Variants in TNRC18 observed in about 807,000 individuals in gnomAD.
The protein encoded by TNRC18 is trinucleotide repeat containing 18, also known as trinucleotide repeat-containing gene 18 protein.
TNRC18 carries 69 observed loss-of-function variants against 226.7 expected under a neutral mutation model. The ratio of observed to expected loss-of-function variants is 0.30; its 90% CI spans 0.25 to 0.37. The LOEUF (loss-of-function observed/expected upper bound fraction) is 0.37, where lower values mean the gene tolerates loss of function less well. TNRC18 is among the 10% of genes least tolerant of loss of function. The pLI is 1.00. For missense variants in TNRC18, 4,754 were observed against 4,256.6 expected (o/e 1.12, Z -3.25); for synonymous variants, 2,449 against 1,927.6 (o/e 1.27, Z -7.09).
Position 5,377,678 on chromosome 7 carries a change from G to C in TNRC18, c.2256-102C>G, listed in dbSNP as rs1779091796. The C allele has an allele frequency of 7.7e-7, 1 of 1,302,812 alleles. No individual in the cohort carries two copies. Among genetic ancestry groups the C allele is most frequent in the Non-Finnish European group, 1.1e-6 (1 of 942,766 alleles). 80.7% of individuals were successfully genotyped at this position (1,302,812 alleles called of 1,614,324 possible). ...GGAACTGTTTGCCACCAGGCCATGA[G>C]TCAGGACAACCACTGCTCGGAACTG... On this transcript the variant is annotated intron_variant, in intron 6 of 29. Coordinates refer to ENST00000430969, the MANE Select transcript of TNRC18 (RefSeq NM_001080495.3). This position sits in a 1 kb window ranked among gnomAD's most constrained non-coding sequence, Gnocchi z 5.8.
intron 24 of TNRC18, among the ~76,000 whole-genome samples, chr7:5,316,539 A>G (rs1313596354): frequency 1.3e-5 from 2 of 152,010 alleles, no homozygotes; most frequent in Non-Finnish European, 2.9e-5. Flanking sequence ...TCAGCCTCCC[A>G]AAGTGCTGGG....
At chr7:5,321,423 C>T (rs1052902140) in intron 21 of TNRC18, among the ~76,000 whole-genome samples, 1 of 152,092 alleles carries the variant, frequency 6.6e-6, no homozygotes, top group Non-Finnish European at 1.5e-5. Flanking sequence ...TCCTAGCCCC[C>T]TCCCCTGCCT....
At chr7:5,413,840 T>A (rs1393941711) in intron 2 of TNRC18, among the ~76,000 whole-genome samples, 2 of 152,162 alleles carry the variant, frequency 1.3e-5, no homozygotes, top group African/African-American at 4.8e-5. Context: ...GCCCCTAGTT[T>A]TTCTTTAAAT....
intron 2 of TNRC18, among the ~76,000 whole-genome samples, chr7:5,411,515 C>CAA (rs764197407): frequency 0.032 from 2,077 of 65,104 alleles, 51 homozygotes; most frequent in African/African-American, 0.05. Context: ...AAGACTCTGT[C>CAA]AAAAAAAAAA....
At chr7:5,358,139 C>T (rs1366688178) in intron 15 of TNRC18, among the ~76,000 whole-genome samples, 1 of 152,168 alleles carries the variant, frequency 6.6e-6, no homozygotes, top group East Asian at 1.9e-4. Flanking sequence ...ACACTCCAAA[C>T]CAGTTCATCC....
intron 11 of TNRC18, among the ~76,000 whole-genome samples, chr7:5,363,160 G>A (rs778949630): frequency 4.6e-5 from 7 of 152,022 alleles, no homozygotes; most frequent in Non-Finnish European, 7.4e-5. Context: ...AAAACTAGCC[G>A]GGTGTAGTGG....
Position 5,388,302 on chromosome 7 carries a change from G to A in TNRC18, c.1522C>T (p.His508Tyr). ...CCCAGCTCGAAGGGTTTCCATTTAT[G>A]CTCAGGGCCGGTGGGCGGGGGGCGC... ...PGRPPPTGPE[H>Y]KWKPFELGNF... Residue 508 changes from histidine (H) to tyrosine (Y), a missense_variant, in exon 5 of 30, where the codon CAT (histidine) becomes TAT (tyrosine). Transcript: ENST00000430969. The A allele has an allele frequency of 1.2e-6, 2 of 1,607,134 alleles. No homozygotes were observed. The highest frequency in any genetic ancestry group is 1.7e-6 in the Non-Finnish European group (2 of 1,177,644).
chr7:5,415,818 G>A (rs906197543), intron 2 of TNRC18, among the ~76,000 whole-genome samples: 9 of 151,706 alleles, frequency 5.9e-5, no homozygotes, highest in Non-Finnish European at 5.9e-5. Flanking sequence ...AAAATAGGTC[G>A]AAGTTAAGCT....
chr7:5,312,989 G>A lies in TNRC18; in HGVS notation c.7902C>T (p.Ser2634=), dbSNP rs780070335. 1.5e-4 allele frequency: 153 copies of A among 1,002,650 alleles called. No homozygotes were observed. Among genetic ancestry groups the A allele is most frequent in the African/African-American group, 3.5e-4 (22 of 62,890 alleles). The allele number at this position is 1,002,650 out of a possible 1,614,324, so 62.1% of individuals were successfully genotyped here. Residue 2634 remains serine, a synonymous_variant, in exon 27 of 30, where the codon TCC becomes TCT. Transcript: ENST00000430969. This position sits in a 1 kb window ranked among gnomAD's most constrained non-coding sequence, Gnocchi z 6.3. ...AAGAGGAGGAGGAGGAAGAGGAGGAGGAGGAAGAGGAGGATGAGGAGGAGG... is the reference window on the plus strand; with the variant it reads ...AAGAGGAGGAGGAGGAAGAGGAGGAAGAGGAAGAGGAGGATGAGGAGGAGG... ...SSSSSSSSSS[S]SSSSSSSSSS...
intron 2 of TNRC18, among the ~76,000 whole-genome samples, chr7:5,410,007 T>A (rs1196775470): frequency 1.1e-4 from 16 of 147,156 alleles, no homozygotes; most frequent in African/African-American, 4.0e-4. Context: ...AAAAAAAAAT[T>A]TTTTTTTAAA....
At chr7:5,385,999 AAAAAAAAACAGATGCGGTGGCTCATGCC>A (rs1779758289) in intron 5 of TNRC18, among the ~76,000 whole-genome samples, 2 of 149,726 alleles carry the variant, frequency 1.3e-5, no homozygotes, top group African/African-American at 4.9e-5. Flanking sequence ...AAAAAAAAAA[AAAAAAAAACAGATGCGGTGGCTCATGCC>A]TGTAATCCCA....
intron 18 of TNRC18, among the ~76,000 whole-genome samples, chr7:5,334,681 G>A (rs767721589): frequency 2.6e-5 from 4 of 152,132 alleles, no homozygotes; most frequent in Non-Finnish European, 2.9e-5. Context: ...AGGCATGAGC[G>A]CTCTGCTCTG....
Position 5,388,586 on chromosome 7 carries a change from G to A in TNRC18, c.1238C>T (p.Pro413Leu), listed in dbSNP as rs1780006322. ...EAGRPGVLQA[P>L]PGSPRPLDRP... ...GTCCAGAGGCCGCGGGGAGCCGGGG[G>A]GCGCCTGCAGGACCCCTGGCCTGCC... is the stretch of plus-strand genomic sequence containing the variant. The change falls in exon 5 of 30, where the codon CCC (proline) becomes CTC (leucine). Residue 413 changes from proline to leucine, a missense_variant. By Grantham distance (98) the Pro-to-Leu change is moderately conservative. Coordinates refer to ENST00000430969, the MANE Select transcript of TNRC18 (RefSeq NM_001080495.3). 1.5e-6 allele frequency: 2 copies of A among 1,299,910 alleles called. No individual in the cohort carries two copies. Among genetic ancestry groups the A allele is most frequent in the Non-Finnish European group, 9.8e-7 (1 of 1,025,288 alleles). The allele number at this position is 1,299,910 out of a possible 1,614,324, so 80.5% of individuals were successfully genotyped here.
At chr7:5,398,462 G>A (rs1780855140) in intron 2 of TNRC18, among the ~76,000 whole-genome samples, 1 of 152,162 alleles carries the variant, frequency 6.6e-6, no homozygotes, top group Non-Finnish European at 1.5e-5. Context: ...GAGCCACCGT[G>A]CCTGGCCACC....
At chr7:5,344,647 G>C (rs906747861) in intron 18 of TNRC18, among the ~76,000 whole-genome samples, 1 of 152,168 alleles carries the variant, frequency 6.6e-6, no homozygotes, top group Admixed American at 6.5e-5. Flanking sequence ...CCTGCCAGGA[G>C]AGCCTCATAC....
intron 12 of TNRC18, 54 bp from the exon 13 acceptor site, chr7:5,362,087 C>T (rs1039752555): frequency 2.3e-5 from 36 of 1,584,330 alleles, no homozygotes; most frequent in South Asian, 6.9e-5. Context: ...TGCCTAACGA[C>T]GCCCACCGCC....
At position 5,388,194 on chromosome 7, in the gene TNRC18, C is replaced by T. The variant is rs771844501; in HGVS notation, c.1630G>A (p.Ala544Thr). The T allele has an allele frequency of 6.3e-7, 1 of 1,589,784 alleles. No individual in the cohort carries two copies. Among genetic ancestry groups the T allele is most frequent in the Non-Finnish European group, 8.5e-7 (1 of 1,169,864 alleles). Residue 544 changes from alanine (A) to threonine (T), a missense_variant, in exon 5 of 30, where the codon GCC becomes ACC. Coordinates refer to ENST00000430969, the MANE Select transcript of TNRC18 (RefSeq NM_001080495.3). ...RAEEEAAVVA[A>T]SSSKKAYLDP... ...AGGTAGGCCTTCTTGGAGGAGGAGG[C>T]AGCGACCACGGCGGCCTCCTCTTCG...
At chr7:5,330,371 A>G (rs796546228) in intron 19 of TNRC18, among the ~76,000 whole-genome samples, 51 of 150,690 alleles carry the variant, frequency 3.4e-4, no homozygotes, top group African/African-American at 1.2e-3. Flanking sequence ...GTGGGACTAT[A>G]GGCACTGATC....
chr7:5,347,493 GC>G (rs149042951), intron 17 of TNRC18, among the ~76,000 whole-genome samples: 1 of 149,862 alleles, frequency 6.7e-6, no homozygotes, highest in African/African-American at 2.4e-5. Context: ...GCCACACCCA[GC>G]CCCCCCGCAA....
Sources: gnomAD v4.1 joint callset for allele counts (sites outside exome capture counted in the v4.1 genomes callset) on GRCh38, gnomAD v4.1.1 for gene constraint, Gnocchi (gnomAD v3.1) non-coding constraint, MANE v1.5 for transcripts, NCBI Gene and HGNC (gene_info 2026-07-23, HGNC 2026-07-21) for gene names.